Variants in PILRA observed in about 807,000 individuals in gnomAD.
PILRA encodes paired immunoglobin like type 2 receptor alpha.
PILRA carries 37 observed loss-of-function variants against 33.1 expected under a neutral mutation model. That is an observed-to-expected ratio of 1.12 (90% CI 0.86 to 1.47). PILRA has a LOEUF of 1.47. Among genes scored for constraint, PILRA ranks in the 40% most tolerant of loss-of-function variants. PILRA has a pLI of 0.00. For missense variants in PILRA, 312 were observed against 376.2 expected, an observed-to-expected ratio of 0.83 and a Z score of 1.41; for synonymous variants, 146 against 149.9, an observed-to-expected ratio of 0.97 and a Z score of 0.19.
At chr7:100,380,320 A>G (rs1350589203) in intron 2 of PILRA, among the ~76,000 whole-genome samples, 3 of 152,196 alleles carry the variant, frequency 2.0e-5, no homozygotes, top group Non-Finnish European at 4.4e-5. Flanking sequence ...GAAAAACAGA[A>G]AGAGGAACCT....
At position 100,399,797 on chromosome 7, in the gene PILRA, G is replaced by T. The variant is rs201973358; in HGVS notation, c.802G>T (p.Val268Phe). The change falls in exon 7 of 7, where the codon GTC (valine) becomes TTC (phenylalanine). Residue 268 changes from valine (V) to phenylalanine (F), a missense_variant. By Grantham distance (50) the Val-to-Phe change is conservative. Transcript: ENST00000198536. Reference protein sequence around the residue: ...PKLNPKDDGIVYASLALSSST... With the variant: ...PKLNPKDDGIFYASLALSSST... ...GGTTCTCGCCCAGGATGACGGCATC[G>T]TCTATGCTTCCCTTGCCCTCTCCAG... 43 of 1,611,104 alleles carry T rather than the reference G, an allele frequency of 2.7e-5. No individual in the cohort carries two copies. The Admixed American group carries it at 7.0e-4, about 26-fold the overall frequency.
intron 2 of PILRA, among the ~76,000 whole-genome samples, chr7:100,384,328 TGAGTCTA>T (rs1465559425): frequency 6.7e-6 from 1 of 149,834 alleles, no homozygotes; most frequent in Non-Finnish European, 1.5e-5. Flanking sequence ...GGTAGATCTC[TGAGTCTA>T]GAGTGCAGGG....
At chr7:100,386,324 A>G (rs1413301202) in intron 2 of PILRA, among the ~76,000 whole-genome samples, 1 of 152,132 alleles carries the variant, frequency 6.6e-6, no homozygotes, top group Non-Finnish European at 1.5e-5. Flanking sequence ...GTAGTGATGT[A>G]TCATAATTTA....
rs182526432 is a variant in PILRA at position 100,390,254 on chromosome 7, G to T, written c.673+148G>T. The T allele has an allele frequency of 1.3e-4, 86 of 675,636 alleles. No individual in the cohort carries two copies. The African/African-American group carries it at 1.5e-3, about 12-fold the overall frequency. 41.9% of individuals were successfully genotyped at this position (675,636 alleles called of 1,614,324 possible). A position where few individuals can be genotyped will look rare whatever the true frequency, so the allele number is the denominator to read the frequency against. ...CCGACTTCGTGGCCTATGCTGAGGT[G>T]TCTGCATTTGTGAGGCTCCTGCAGT... is the stretch of plus-strand genomic sequence containing the variant. On this transcript the variant is annotated intron_variant, in intron 3 of 6. Transcript: ENST00000198536.
intron 2 of PILRA, among the ~76,000 whole-genome samples, chr7:100,378,817 G>T (rs1198358392): frequency 6.6e-6 from 1 of 152,096 alleles, no homozygotes; most frequent in Non-Finnish European, 1.5e-5. Context: ...AGGCAGCCAG[G>T]CGTGGTGGCT....
At chr7:100,385,248 T>G (rs1791228775) in intron 2 of PILRA, among the ~76,000 whole-genome samples, 1 of 152,186 alleles carries the variant, frequency 6.6e-6, no homozygotes, top group South Asian at 2.1e-4. Flanking sequence ...TGCAGGAGGC[T>G]GCTGTTTTTT....
chr7:100,386,331 T>C (rs1791251346), intron 2 of PILRA, among the ~76,000 whole-genome samples: 1 of 152,186 alleles, frequency 6.6e-6, no homozygotes, highest in South Asian at 2.1e-4. Context: ...TGTATCATAA[T>C]TTATTTAATC....
At chr7:100,396,566 C>T (rs575253619) in intron 3 of PILRA, among the ~76,000 whole-genome samples, 144 of 152,200 alleles carry the variant, frequency 9.5e-4, no homozygotes, top group African/African-American at 3.3e-3. Context: ...GCAGGAGAAT[C>T]GCTTGAACCA....
chr7:100,386,580 C>T (rs2130202640), intron 2 of PILRA, among the ~76,000 whole-genome samples: 1 of 152,004 alleles, frequency 6.6e-6, no homozygotes, highest in Non-Finnish European at 1.5e-5. Flanking sequence ...TGCAGTGGCA[C>T]AATCATAGAT....
intron 2 of PILRA, among the ~76,000 whole-genome samples, chr7:100,383,512 G>A (rs1387450840): frequency 3.9e-5 from 6 of 152,202 alleles, no homozygotes; most frequent in Non-Finnish European, 7.3e-5. Flanking sequence ...GCAGAGGGTG[G>A]AAGGAGGCGG....
intron 3 of PILRA, among the ~76,000 whole-genome samples, chr7:100,397,173 G>A (rs1791516377): frequency 6.8e-6 from 1 of 146,550 alleles, no homozygotes; most frequent in Non-Finnish European, 1.5e-5. Context: ...GAGGTCCCTG[G>A]AGTTGAGGGG....
Position 100,390,068 on chromosome 7 carries a change from T to G in PILRA, c.635T>G (p.Leu212Trp), listed in dbSNP as rs1398085190. The G allele has an allele frequency of 2.5e-6, 4 of 1,614,088 alleles. No individual in the cohort carries two copies. The highest frequency in any genetic ancestry group is 4.5e-5 in the East Asian group (2 of 44,882). Residue 212 changes from leucine to tryptophan, a missense_variant, in exon 3 of 7, where the codon TTG (leucine) becomes TGG (tryptophan). By Grantham distance (61) the Leu-to-Trp change is moderately conservative. Transcript: ENST00000198536. ...GTCACTGTGCTCGGAATCATGATTT[T>G]GGGACTGATCTGCCTCCTCAGGTGG... Reference protein sequence around the residue: ...VAVTVLGIMILGLICLLRWRR... With the variant: ...VAVTVLGIMIWGLICLLRWRR...
rs1791624125 is a variant in PILRA, at chr7:100,399,880, G to T, written c.885G>T (p.Glu295Asp). The T allele has an allele frequency of 6.2e-7, 1 of 1,612,644 alleles. No homozygotes were observed. The highest frequency in any genetic ancestry group is 1.1e-5 in the South Asian group (1 of 90,918). Residue 295 changes from glutamate to aspartate, a missense_variant, in exon 7 of 7, where the codon GAG becomes GAT. Glu to Asp is a conservative substitution (Grantham distance 45). Transcript: ENST00000198536. ...GTCCCCTCAAGAGCCCCCAGAACGA[G>T]ACCCTGTACTCTGTCTTAAAGGCCT... Reference protein sequence around the residue: ...SHRPLKSPQNETLYSVLKA With the variant: ...SHRPLKSPQNDTLYSVLKA
At chr7:100,382,619 G>T (rs1791134935) in intron 2 of PILRA, among the ~76,000 whole-genome samples, 1 of 152,246 alleles carries the variant, frequency 6.6e-6, no homozygotes, top group African/African-American at 2.4e-5. Flanking sequence ...TCAGCAGGAT[G>T]TGGGTGGTGC....
intron 3 of PILRA, among the ~76,000 whole-genome samples, chr7:100,397,578 A>C (rs1440851333): frequency 6.6e-6 from 1 of 151,918 alleles, no homozygotes; most frequent in Non-Finnish European, 1.5e-5. Context: ...TGACTGGGCG[A>C]GGGCTCAGCG....
chr7:100,392,942 A>C (rs1791417543), intron 3 of PILRA, among the ~76,000 whole-genome samples: 1 of 152,186 alleles, frequency 6.6e-6, no homozygotes, highest in Non-Finnish European at 1.5e-5. Context: ...AGCAGTAGAG[A>C]CAGTCTTCCT....
upstream of PILRA, among the ~76,000 whole-genome samples, chr7:100,372,307 C>A (rs1306076265): frequency 1.0e-5 from 1 of 98,056 alleles, no homozygotes; most frequent in Non-Finnish European, 2.1e-5. Flanking sequence ...GGAGGGAGGG[C>A]GGGCCGGCCT....
chr7:100,374,039 T>C lies in PILRA; in HGVS notation c.65-5T>C. On this transcript the variant is annotated splice_polypyrimidine_tract_variant and splice_region_variant and intron_variant, in intron 1 of 6. Transcript: ENST00000198536. ...TCTCCCCTACTCACTCCCTCCCTCC[T>C]CTAGGTGGCTCCACAGGATCTGGTC... is the stretch of plus-strand genomic sequence containing the variant. The C allele has an allele frequency of 6.2e-7, 1 of 1,613,116 alleles. No individual in the cohort carries two copies. Among genetic ancestry groups the C allele is most frequent in the South Asian group, 1.1e-5 (1 of 91,028 alleles).
Position 100,399,614 on chromosome 7 carries a change from T to C in PILRA, c.789+2T>C. 2 of 1,614,010 alleles carry C rather than the reference T, an allele frequency of 1.2e-6. No individual in the cohort carries two copies. The highest frequency in any genetic ancestry group is 2.2e-5 in the South Asian group (2 of 91,074). ...ACAGATCCCAAGCTAAATCCCAAGG[T>C]AAGCAATCAGACCAGGGCCTGAAGG... is the stretch of plus-strand genomic sequence containing the variant. On this transcript the variant is annotated splice_donor_variant, in intron 6 of 6. Transcript: ENST00000198536. LOFTEE classifies it high-confidence loss of function.
Sources: gnomAD v4.1 joint callset for allele counts (sites outside exome capture counted in the v4.1 genomes callset) on GRCh38, gnomAD v4.1.1 for gene constraint, MANE v1.5 for transcripts, NCBI Gene and HGNC (gene_info 2026-07-23, HGNC 2026-07-21) for gene names.